ABAT: variants seen among roughly 807,000 people sequenced by gnomAD.
ABAT encodes 4-aminobutyrate aminotransferase.
A neutral mutation model predicts 64.6 loss-of-function variants in ABAT; 45 were observed. The observed-to-expected ratio is 0.70, with a 90% CI of 0.55 to 0.89. The LOEUF is 0.89. ABAT is among the 40% of genes least tolerant of loss of function. The pLI is 0.00. For synonymous variants in ABAT, 297 were observed against 250.5 expected (o/e 1.19, Z -1.75); for missense variants, 633 against 658.4 (o/e 0.96, Z 0.42).
chr16:8,728,732 G>T (rs931392985), intron 1 of ABAT, among the ~76,000 whole-genome samples: 5 of 152,134 alleles, frequency 3.3e-5, no homozygotes, highest in Non-Finnish European at 7.3e-5. Flanking sequence ...AAATTAGCCA[G>T]GTGTGGTGGC....
At chr16:8,751,556 C>A (rs1053683511) in intron 5 of ABAT, among the ~76,000 whole-genome samples, 1 of 152,312 alleles carries the variant, frequency 6.6e-6, no homozygotes, top group Non-Finnish European at 1.5e-5. Flanking sequence ...CACCACACCC[C>A]AGAGTTGGTC....
intron 1 of ABAT, among the ~76,000 whole-genome samples, chr16:8,694,312 C>G (rs147504471): frequency 0.024 from 3,643 of 152,092 alleles, 146 homozygotes; most frequent in African/African-American, 0.083. Context: ...CGTGAGCCAC[C>G]GCGCCCGGCC....
chr16:8,723,414 A>G (rs1324777954), intron 1 of ABAT, among the ~76,000 whole-genome samples: 1 of 152,034 alleles, frequency 6.6e-6, no homozygotes, highest in Non-Finnish European at 1.5e-5. Context: ...TTCTGTACCA[A>G]GAAAGAGAGC....
chr16:8,688,146 C>T (rs1306926330), intron 1 of ABAT, among the ~76,000 whole-genome samples: 1 of 152,118 alleles, frequency 6.6e-6, no homozygotes, highest in Non-Finnish European at 1.5e-5. Flanking sequence ...TCAAGCAATC[C>T]TCCCAAAGTG....
At chr16:8,773,147 C>CACACACACACACACACACACAT (rs1239743158) in intron 12 of ABAT, among the ~76,000 whole-genome samples, 1 of 98,428 alleles carries the variant, frequency 1.0e-5, no homozygotes, top group Admixed American at 1.1e-4. Context: ...CACACACACA[C>CACACACACACACACACACACAT]ATATATATAT....
chr16:8,729,849 C>A (rs917472066), intron 1 of ABAT, among the ~76,000 whole-genome samples: 7 of 88,916 alleles, frequency 7.9e-5, no homozygotes, highest in African/African-American at 1.6e-4. Flanking sequence ...AAAAAAAAGA[C>A]CCTGTTTGAA....
intron 1 of ABAT, among the ~76,000 whole-genome samples, chr16:8,687,797 G>T (rs2057490352): frequency 1.3e-5 from 2 of 152,184 alleles, no homozygotes; most frequent in Non-Finnish European, 2.9e-5. Context: ...TTCTGTCCAG[G>T]CCTCAGTTTC....
At chr16:8,724,920 CT>C (rs562546446) in intron 1 of ABAT, among the ~76,000 whole-genome samples, 6 of 46,252 alleles carry the variant, frequency 1.3e-4, no homozygotes, top group African/African-American at 4.7e-4. Flanking sequence ...TCTCTTTTTT[CT>C]TTTTTTTTTT....
intron 1 of ABAT, among the ~76,000 whole-genome samples, chr16:8,683,956 G>T (rs1197987985): frequency 1.0e-5 from 1 of 96,434 alleles, no homozygotes; most frequent in African/African-American, 3.5e-5. Flanking sequence ...CTGTGTGTGT[G>T]AGAGAGACAG....
At chr16:8,763,559 T>C (rs889559142) in intron 6 of ABAT, among the ~76,000 whole-genome samples, 2 of 152,210 alleles carry the variant, frequency 1.3e-5, no homozygotes, top group Admixed American at 6.5e-5. Context: ...CTTTCTCTAC[T>C]CCAAAAGTCC....
At chr16:8,766,461 C>T (rs2059948600) in intron 9 of ABAT, among the ~76,000 whole-genome samples, 191 bp downstream of exon 9, 1 of 152,110 alleles carries the variant, frequency 6.6e-6, no homozygotes, top group African/African-American at 2.4e-5. Context: ...TCAAGACCAG[C>T]CTGGCTAATA....
At chr16:8,695,761 T>G (rs891710111) in intron 1 of ABAT, among the ~76,000 whole-genome samples, 5 of 152,136 alleles carry the variant, frequency 3.3e-5, no homozygotes, top group African/African-American at 1.2e-4. Context: ...TACATAGCAC[T>G]CGAAGTCAGT....
In ABAT at chr16:8,772,679, C is replaced by G. The variant is rs78343890; in HGVS notation, c.817-101C>G. 2,377 of 1,499,884 alleles carry G rather than the reference C, an allele frequency of 1.6e-3. 26 individuals are homozygous for G. In the African/African-American group the frequency reaches 0.028, roughly 18 times the overall value. 92.9% of individuals were successfully genotyped at this position (1,499,884 alleles called of 1,614,324 possible). A position where few individuals can be genotyped will look rare whatever the true frequency, so the allele number is the denominator to read the frequency against. On this transcript the variant is annotated intron_variant, in intron 11 of 15. Coordinates refer to ENST00000268251, the MANE Select transcript of ABAT (RefSeq NM_020686.6). ...TTAGGAAATGCACACAAACACATTT[C>G]CAATAAAATTGCATGGGGCTCATCG...
chr16:8,703,329 G>T (rs1012896150), intron 1 of ABAT, among the ~76,000 whole-genome samples: 5 of 151,988 alleles, frequency 3.3e-5, no homozygotes, highest in Admixed American at 1.3e-4. Flanking sequence ...GGTGGTGTGC[G>T]CCTGTAGTCC....
chr16:8,693,429 C>G (rs2057630900), intron 1 of ABAT, among the ~76,000 whole-genome samples: 1 of 152,094 alleles, frequency 6.6e-6, no homozygotes, highest in Non-Finnish European at 1.5e-5. Context: ...CATTTCAAAT[C>G]CATGTTATTG....
At chr16:8,716,207 T>C (rs1237027278) in intron 1 of ABAT, among the ~76,000 whole-genome samples, 1 of 150,148 alleles carries the variant, frequency 6.7e-6, no homozygotes, top group Non-Finnish European at 1.5e-5. Context: ...CCCCACCCCC[T>C]GTTTTGTGAA....
chr16:8,687,045 A>G (rs554648176), intron 1 of ABAT, among the ~76,000 whole-genome samples: 1 of 152,212 alleles, frequency 6.6e-6, no homozygotes, highest in South Asian at 2.1e-4. Context: ...CCACTCCCGG[A>G]TCATAGGTGA....
rs115172445 is a variant in ABAT at position 8,752,517 on chromosome 16, G to A, written c.316+1978G>A. ...AGCACGCTGATAATCCCAGCACTTT[G>A]GGAGGCCAAGGGAAGAGGATTGTTT... is the stretch of plus-strand genomic sequence containing the variant. On this transcript the variant is annotated intron_variant, in intron 5 of 15. Transcript: ENST00000268251. Among the ~76,000 whole-genome samples the A allele has an allele frequency of 1.1e-3, 174 of 152,300 alleles. 1 individual carries two copies. The highest frequency in any genetic ancestry group is 4.0e-3 in the African/African-American group (167 of 41,570).
At chr16:8,768,438 A>G (rs980462294) in intron 10 of ABAT, among the ~76,000 whole-genome samples, 182 bp downstream of exon 10, 14 of 152,166 alleles carry the variant, frequency 9.2e-5, no homozygotes, top group South Asian at 2.1e-4. Context: ...CAGGAAGAGG[A>G]AGAATTTCCA....
Sources: allele counts gnomAD v4.1 joint callset (sites outside exome capture counted in the v4.1 genomes callset), GRCh38; gene constraint gnomAD v4.1.1; transcripts MANE v1.5; gene names NCBI Gene and HGNC (gene_info 2026-07-23, HGNC 2026-07-21).